The following TLR6 variants were observed in gnomAD, a reference collection of about 807,000 sequenced individuals.
The protein encoded by TLR6 is toll like receptor 6.
In TLR6, 9 loss-of-function variants were observed where a neutral mutation model predicts 16.1. That is an observed-to-expected ratio of 0.56 (90% confidence interval 0.34 to 0.98). TLR6 has a LOEUF of 0.98. TLR6 is among the 50% of genes least tolerant of loss of function. The pLI, the probability that TLR6 is intolerant of heterozygous loss-of-function variation, is 0.02. For synonymous variants in TLR6, 340 were observed against 338.6 expected (o/e 1.00, Z -0.04); for missense variants, 786 against 921.0 (o/e 0.85, Z 1.90).
intron 1 of TLR6, among the ~76,000 whole-genome samples, chr4:38,850,095 A>G (rs1349293661): frequency 1.3e-5 from 2 of 152,216 alleles, no homozygotes; most frequent in Non-Finnish European, 2.9e-5. Flanking sequence ...CCACTCAACT[A>G]CATGGAAACT....
intron 1 of TLR6, among the ~76,000 whole-genome samples, chr4:38,837,138 A>G (rs939533008): frequency 6.6e-5 from 10 of 152,152 alleles, no homozygotes; most frequent in African/African-American, 2.4e-4. Context: ...AAGAATTAAC[A>G]TTGTTAAAAT....
chr4:38,846,587 T>C (rs188059453), intron 1 of TLR6, among the ~76,000 whole-genome samples: 57 of 152,246 alleles, frequency 3.7e-4, no homozygotes, highest in Admixed American at 2.1e-3. Flanking sequence ...TCCCAGAGGA[T>C]GGAGAGTTTA....
At chr4:38,824,310 A>ATTAC (rs1381046020) in exon 2 of TLR6, 1 of 152,258 alleles carries the variant, frequency 6.6e-6, no homozygotes, top group Non-Finnish European at 1.5e-5. Context: ...AAGATGAGTA[A>ATTAC]GCAACTAAGC....
chr4:38,828,424 A>G, exon 2 of TLR6: 1 of 1,614,100 alleles, frequency 6.2e-7, no homozygotes, highest in Non-Finnish European at 8.5e-7. Flanking sequence ...TGCTTGGTGC[A>G]TGAGGACACA....
intron 1 of TLR6, among the ~76,000 whole-genome samples, chr4:38,831,523 A>C (rs905966659): frequency 2.6e-5 from 4 of 152,326 alleles, no homozygotes; most frequent in African/African-American, 9.6e-5. Context: ...GGACTTCATT[A>C]AAATTAAAAT....
the TLR6 span, among the ~76,000 whole-genome samples, chr4:38,864,689 G>A: frequency 5.9e-5 from 9 of 152,314 alleles, no homozygotes; most frequent in South Asian, 8.3e-4. Context: ...ATTTGTGGGT[G>A]AGGACATATG....
intron 1 of TLR6, among the ~76,000 whole-genome samples, chr4:38,854,830 A>G (rs1712906004): frequency 6.6e-6 from 1 of 152,234 alleles, no homozygotes; most frequent in South Asian, 2.1e-4. Context: ...TCTAGTGTAG[A>G]AAATGATTAA....
At chr4:38,854,829 G>T (rs1011610485) in intron 1 of TLR6, among the ~76,000 whole-genome samples, 1 of 152,128 alleles carries the variant, frequency 6.6e-6, no homozygotes. Context: ...GTCTAGTGTA[G>T]AAAATGATTA....
the TLR6 span, among the ~76,000 whole-genome samples, chr4:38,866,174 TA>T: frequency 6.7e-6 from 1 of 149,986 alleles, no homozygotes; most frequent in South Asian, 2.1e-4. Context: ...ATTATTAATA[TA>T]AAAATATTTA....
At chr4:38,831,433 T>C (rs974543089) in intron 1 of TLR6, among the ~76,000 whole-genome samples, 2 of 151,924 alleles carry the variant, frequency 1.3e-5, no homozygotes, top group African/African-American at 4.8e-5. Context: ...TAGGAGAAAA[T>C]CTAGGTGACT....
exon 2 of TLR6, chr4:38,829,410 C>G (rs764472283): frequency 6.2e-7 from 1 of 1,614,078 alleles, no homozygotes; most frequent in Non-Finnish European, 8.5e-7. Flanking sequence ...CTGGTTCCAA[C>G]TATTATGATC....
chr4:38,860,536 A>T (rs60905040), upstream of TLR6, among the ~76,000 whole-genome samples: 4,359 of 83,000 alleles, frequency 0.053, 189 homozygotes, highest in African/African-American at 0.17. Flanking sequence ...CTGCTGAATT[A>T]AAAAAAAAAA....
At chr4:38,855,021 A>AAC (rs1475225063) in intron 1 of TLR6, among the ~76,000 whole-genome samples, 2 of 152,046 alleles carry the variant, frequency 1.3e-5, no homozygotes, top group Admixed American at 1.3e-4. Context: ...CATCCTGGCT[A>AAC]ACGGTGAAAC....
At chr4:38,854,398 G>T (rs1245166754) in intron 1 of TLR6, among the ~76,000 whole-genome samples, 1 of 152,266 alleles carries the variant, frequency 6.6e-6, no homozygotes, top group East Asian at 1.9e-4. Context: ...TTTTTTTAGA[G>T]ATAGAGAATA....
At chr4:38,849,761 G>A (rs1285536067) in intron 1 of TLR6, among the ~76,000 whole-genome samples, 1 of 150,978 alleles carries the variant, frequency 6.6e-6, no homozygotes, top group African/African-American at 2.4e-5. Flanking sequence ...AATACAAAGA[G>A]ACTTAGACTC....
At chr4:38,858,578 G>T (rs1713080059), upstream of TLR6, among the ~76,000 whole-genome samples, 1 of 151,748 alleles carries the variant, frequency 6.6e-6, no homozygotes, top group Non-Finnish European at 1.5e-5. Flanking sequence ...ACATTAGCTG[G>T]GTATGGTGGC....
chr4:38,845,046 C>T (rs940169433), intron 1 of TLR6, among the ~76,000 whole-genome samples: 1 of 152,092 alleles, frequency 6.6e-6, no homozygotes, highest in Non-Finnish European at 1.5e-5. Context: ...GTGACAAAAC[C>T]ACATTTTCAA....
intron 1 of TLR6, among the ~76,000 whole-genome samples, chr4:38,853,294 G>A (rs1438311529): frequency 1.7e-4 from 26 of 151,454 alleles, no homozygotes; most frequent in Non-Finnish European, 3.5e-4. Context: ...ACGAGTTAAT[G>A]GGTGCAGCAC....
chr4:38,855,084 C>G (rs1178104256), intron 1 of TLR6, among the ~76,000 whole-genome samples: 1 of 151,770 alleles, frequency 6.6e-6, no homozygotes, highest in East Asian at 1.9e-4. Context: ...TGGTGGCGGG[C>G]GCCTGTAGTC....
Sources: gnomAD v4.1 joint callset for allele counts (sites outside exome capture counted in the v4.1 genomes callset) on GRCh38, gnomAD v4.1.1 for gene constraint, MANE v1.5 for transcripts, NCBI Gene and HGNC (gene_info 2026-07-23, HGNC 2026-07-21) for gene names.